Variants in CLASP1 observed in about 807,000 individuals in gnomAD.
The protein encoded by CLASP1 is CLIP-associating protein 1.
In CLASP1, 38 loss-of-function variants were observed where a neutral mutation model predicts 192.3. The observed-to-expected ratio is 0.20, with a 90% CI of 0.15 to 0.26. The LOEUF (loss-of-function observed/expected upper bound fraction) is 0.26, where lower values mean the gene tolerates loss of function less well. Among genes scored for constraint, CLASP1 ranks in the 10% least tolerant of loss-of-function variants. The pLI, the probability that CLASP1 is intolerant of heterozygous loss-of-function variation, is 1.00. For synonymous variants in CLASP1, 691 were observed against 712.8 expected (o/e 0.97, Z 0.49); for missense variants, 1,433 against 1,932.5 (o/e 0.74, Z 4.85).
intron 1 of CLASP1, among the ~76,000 whole-genome samples, chr2:121,634,301 A>G (rs1315947583): frequency 6.6e-6 from 1 of 152,224 alleles, no homozygotes; most frequent in African/African-American, 2.4e-5. Flanking sequence ...CAAGTTACAC[A>G]GTTTGTTCAA....
At chr2:121,482,533 A>G (rs1383344860) in intron 8 of CLASP1, among the ~76,000 whole-genome samples, 1 of 152,222 alleles carries the variant, frequency 6.6e-6, no homozygotes, top group South Asian at 2.1e-4. Flanking sequence ...GAAAGACTAT[A>G]AACTTACCCT....
At chr2:121,530,985 A>AT (rs571331160) in intron 2 of CLASP1, 1 of 700,352 alleles carries the variant, frequency 1.4e-6, no homozygotes, top group Non-Finnish European at 2.6e-6. Flanking sequence ...CTTTTGCTTT[A>AT]TTTTGGTGCA....
At chr2:121,609,279 T>C (rs531381018) in intron 1 of CLASP1, among the ~76,000 whole-genome samples, 3 of 152,284 alleles carry the variant, frequency 2.0e-5, no homozygotes, top group Non-Finnish European at 4.4e-5. Context: ...CAACCATAAT[T>C]GTATAAGATT....
chr2:121,618,251 G>A (rs577775178), intron 1 of CLASP1, among the ~76,000 whole-genome samples: 3 of 152,230 alleles, frequency 2.0e-5, no homozygotes, highest in South Asian at 2.1e-4. Flanking sequence ...AGAAATACTC[G>A]TCCAAAGAAT....
At chr2:121,439,703 G>A (rs1255643539) in intron 19 of CLASP1, among the ~76,000 whole-genome samples, 2 of 151,694 alleles carry the variant, frequency 1.3e-5, no homozygotes, top group Non-Finnish European at 2.9e-5. Context: ...AACAATGATA[G>A]ACTGGATTAA....
chr2:121,575,752 A>T (rs185952574), intron 2 of CLASP1, among the ~76,000 whole-genome samples: 2 of 152,340 alleles, frequency 1.3e-5, no homozygotes, highest in East Asian at 3.9e-4. Flanking sequence ...GGGTGAGGAG[A>T]GGCAGAAAGG....
chr2:121,426,571 G>A (rs1416722808), intron 21 of CLASP1, among the ~76,000 whole-genome samples: 1 of 151,966 alleles, frequency 6.6e-6, no homozygotes, highest in East Asian at 1.9e-4. Flanking sequence ...TATCCCAACA[G>A]ATAGAACACA....
chr2:121,456,490 GAAGAAAGGC>G (rs1345438983), intron 14 of CLASP1, among the ~76,000 whole-genome samples: 2 of 148,368 alleles, frequency 1.3e-5, no homozygotes, highest in South Asian at 2.1e-4. Context: ...AGCAATAAAG[GAAGAAAGGC>G]AAGAAAGGAA....
chr2:121,628,473 C>T (rs535081286), intron 1 of CLASP1, among the ~76,000 whole-genome samples: 2 of 151,990 alleles, frequency 1.3e-5, no homozygotes, highest in African/African-American at 4.8e-5. Flanking sequence ...GCTAGGAATT[C>T]GAGACCAGCC....
chr2:121,562,007 G>A (rs1465577406), intron 2 of CLASP1, among the ~76,000 whole-genome samples: 2 of 152,218 alleles, frequency 1.3e-5, no homozygotes, highest in Non-Finnish European at 2.9e-5. Context: ...CTTAATGTTA[G>A]ACAAGTATTC....
intron 19 of CLASP1, among the ~76,000 whole-genome samples, chr2:121,442,341 A>T (rs536490878): frequency 6.6e-6 from 1 of 152,348 alleles, no homozygotes; most frequent in African/African-American, 2.4e-5. Context: ...GTTCTTTACA[A>T]AAAGTATTTT....
chr2:121,403,337 T>C (rs2076412528), intron 26 of CLASP1: 1 of 452,192 alleles, frequency 2.2e-6, no homozygotes, highest in Admixed American at 2.4e-5. Context: ...CCAGAGCAGG[T>C]ACTCAGTAAA....
chr2:121,411,491 G>A (rs1213837135), intron 23 of CLASP1, among the ~76,000 whole-genome samples: 1 of 152,022 alleles, frequency 6.6e-6, no homozygotes, highest in Non-Finnish European at 1.5e-5. Context: ...TGTTCGTCAC[G>A]ATGCCTGTGT....
chr2:121,561,631 T>C (rs908708378), intron 2 of CLASP1, among the ~76,000 whole-genome samples: 1 of 152,214 alleles, frequency 6.6e-6, no homozygotes, highest in Non-Finnish European at 1.5e-5. Flanking sequence ...TCATAATGTT[T>C]TAACAAAGTT....
intron 1 of CLASP1, among the ~76,000 whole-genome samples, chr2:121,609,823 C>G (rs895179731): frequency 7.2e-5 from 11 of 152,164 alleles, no homozygotes; most frequent in Admixed American, 2.0e-4. Flanking sequence ...TGCCTGTAAT[C>G]CCAGCTACGT....
intron 7 of CLASP1, among the ~76,000 whole-genome samples, chr2:121,509,727 A>G (rs2094059573): frequency 1.3e-5 from 2 of 152,152 alleles, no homozygotes; most frequent in African/African-American, 4.8e-5. Flanking sequence ...AATCCCAGCT[A>G]CTTGGGAGAC....
chr2:121,558,974 G>A (rs567507163), intron 2 of CLASP1, among the ~76,000 whole-genome samples: 3 of 152,216 alleles, frequency 2.0e-5, no homozygotes, highest in Admixed American at 6.5e-5. Context: ...TCAATCCACC[G>A]AACTGCACCT....
At chr2:121,541,355 C>G (rs2095229839) in intron 2 of CLASP1, among the ~76,000 whole-genome samples, 1 of 152,132 alleles carries the variant, frequency 6.6e-6, no homozygotes, top group Non-Finnish European at 1.5e-5. Context: ...AATCTGAGTA[C>G]TCTCACAATA....
At chr2:121,593,255 G>A (rs529632396) in intron 2 of CLASP1, among the ~76,000 whole-genome samples, 1 of 152,248 alleles carries the variant, frequency 6.6e-6, no homozygotes, top group East Asian at 1.9e-4. Flanking sequence ...CACACAGTAA[G>A]GTGACCTAAT....
Sources: allele counts gnomAD v4.1 joint callset (sites outside exome capture counted in the v4.1 genomes callset), GRCh38; gene constraint gnomAD v4.1.1; transcripts MANE v1.5; gene names NCBI Gene and HGNC (gene_info 2026-07-23, HGNC 2026-07-21).